Variants in GRK3 observed in about 807,000 individuals in gnomAD.
The protein encoded by GRK3 is adrenergic, beta, receptor kinase 2.
A neutral mutation model predicts 95.7 loss-of-function variants in GRK3; 54 were observed. That is an observed-to-expected ratio of 0.56 (90% CI 0.45 to 0.71). The LOEUF (loss-of-function observed/expected upper bound fraction) is 0.71, where lower values mean the gene tolerates loss of function less well. Among genes scored for constraint, GRK3 ranks in the 30% least tolerant of loss-of-function variants. The pLI is 0.00. For synonymous variants in GRK3, 281 were observed against 290.8 expected (o/e 0.97, Z 0.34); for missense variants, 649 against 851.2 (o/e 0.76, Z 2.96).
intron 19 of GRK3, among the ~76,000 whole-genome samples, chr22:25,719,314 TAGG>T (rs2085412524): frequency 6.6e-6 from 1 of 152,048 alleles, no homozygotes; most frequent in Non-Finnish European, 1.5e-5. Context: ...ACTGGACAGT[TAGG>T]AGGTGGAAGG....
chr22:25,671,071 A>G (rs1005023574), intron 6 of GRK3, among the ~76,000 whole-genome samples: 3 of 145,028 alleles, frequency 2.1e-5, no homozygotes, highest in African/African-American at 7.7e-5. Flanking sequence ...AACAAAAAAC[A>G]GGCCAGGCGT....
At chr22:25,671,534 T>C (rs1294179133) in intron 6 of GRK3, among the ~76,000 whole-genome samples, 1 of 152,224 alleles carries the variant, frequency 6.6e-6, no homozygotes, top group Non-Finnish European at 1.5e-5. Context: ...CTTAGGATTC[T>C]AGTCTGAGGG....
chr22:25,705,740 A>G (rs1601540554), intron 15 of GRK3, among the ~76,000 whole-genome samples: 1 of 152,284 alleles, frequency 6.6e-6, no homozygotes, highest in South Asian at 2.1e-4. Flanking sequence ...GATTGGCATC[A>G]TCTCACCCAA....
At chr22:25,693,747 T>C (rs368793512) in intron 12 of GRK3, among the ~76,000 whole-genome samples, 58 of 152,142 alleles carry the variant, frequency 3.8e-4, no homozygotes, top group African/African-American at 1.4e-3. Flanking sequence ...ATTCTCACTG[T>C]TGCTGAGCAT....
Position 25,722,357 on chromosome 22 carries a change from G to T in GRK3, c.1974G>T (p.Leu658Phe). Residue 658 changes from leucine to phenylalanine, a missense_variant, in exon 21 of 21, where the codon TTG becomes TTT. Coordinates refer to ENST00000324198, the MANE Select transcript of GRK3 (RefSeq NM_005160.4). Reference protein sequence around the residue: ...NETFKEAQRLLRRAPKFLNKP... With the variant: ...NETFKEAQRLFRRAPKFLNKP... The stretch of plus-strand genomic sequence containing the variant: ...CCTTCAAGGAGGCCCAGCGGCTATT[G>T]CGTCGTGCCCCGAAGTTCCTCAACA... 1 of 1,614,202 alleles carries T rather than the reference G, an allele frequency of 6.2e-7. No homozygotes were observed. The highest frequency in any genetic ancestry group is 8.5e-7 in the Non-Finnish European group (1 of 1,180,040).
chr22:25,718,323 G>T lies in GRK3; in HGVS notation c.1733G>T (p.Arg578Leu). ...LGNPFLTQWQ[R>L]RYFYLFPNRL... The stretch of plus-strand genomic sequence containing the variant: ...AACCCATTTCTGACTCAGTGGCAGC[G>T]TCGCTATTTTTACCTCTTTCCAAAT... Residue 578 changes from arginine to leucine, a missense_variant, in exon 19 of 21, where the codon CGT becomes CTT. By Grantham distance (102) the Arg-to-Leu change is moderately radical (BLOSUM62 -2). This residue lies in a region of GRK3 where 382 missense variants were observed against 493.8 expected (regional missense o/e 0.77). Transcript: ENST00000324198. 6.2e-7 allele frequency: 1 copy of T among 1,614,100 alleles called. No individual in the cohort carries two copies. Among genetic ancestry groups the T allele is most frequent in the Non-Finnish European group, 8.5e-7 (1 of 1,179,990 alleles).
intron 15 of GRK3, among the ~76,000 whole-genome samples, chr22:25,706,442 C>T (rs1290388747): frequency 2.0e-5 from 3 of 152,228 alleles, no homozygotes; most frequent in Non-Finnish European, 4.4e-5. Context: ...TGCTGTCAGT[C>T]ACTGCCCCTG....
rs372213901 is a variant in GRK3 at position 25,679,478 on chromosome 22, A to G, written c.747+563A>G. 3.9e-5 allele frequency among the ~76,000 whole-genome samples: 6 copies of G among 152,282 alleles called. No individual in the cohort carries two copies. The East Asian group carries it at 1.2e-3, about 29-fold the overall frequency. On this transcript the variant is annotated intron_variant, in intron 9 of 20. Coordinates refer to ENST00000324198, the MANE Select transcript of GRK3 (RefSeq NM_005160.4). The stretch of plus-strand genomic sequence containing the variant: ...GGACACTTTCTTTGTATATTAAGCT[A>G]TCATTTTTAGCTCAACATGTGTGAC...
intron 10 of GRK3, among the ~76,000 whole-genome samples, chr22:25,685,885 T>TA (rs2085109405): frequency 6.6e-6 from 1 of 151,658 alleles, no homozygotes; most frequent in South Asian, 2.1e-4. Flanking sequence ...TTTTTTTTTT[T>TA]AAGTTCACTT....
intron 6 of GRK3, among the ~76,000 whole-genome samples, chr22:25,670,340 A>C (rs1302624295): frequency 6.6e-6 from 1 of 152,062 alleles, no homozygotes; most frequent in East Asian, 1.9e-4. Flanking sequence ...CAAAAATAAA[A>C]ATTAAAAACT....
In GRK3 at chr22:25,725,512, G is replaced by A. The variant is rs1047562622; in HGVS notation, c.*3062G>A. On this transcript the variant is annotated 3_prime_UTR_variant, in exon 21 of 21. Coordinates refer to ENST00000324198, the MANE Select transcript of GRK3 (RefSeq NM_005160.4). ...CCCCTCATGTCATGGGGGCTCATTG[G>A]TTTTCCTTCTTTGTCATATTTAAGT... is the stretch of plus-strand genomic sequence containing the variant. The A allele has an allele frequency of 3.0e-5, 12 of 398,338 alleles. No individual in the cohort carries two copies. The highest frequency in any genetic ancestry group is 8.8e-5 in the Admixed American group (2 of 22,698). The allele number at this position is 398,338 out of a possible 1,614,324, so 24.7% of individuals were successfully genotyped here. A position where few individuals can be genotyped will look rare whatever the true frequency, so the allele number is the denominator to read the frequency against.
intron 15 of GRK3, among the ~76,000 whole-genome samples, chr22:25,708,754 C>G (rs775159427): frequency 1.3e-5 from 2 of 151,850 alleles, no homozygotes; most frequent in Non-Finnish European, 2.9e-5. Context: ...CTCCACCTCC[C>G]GGGTTCAAGC....
In GRK3 at chr22:25,678,836, A is replaced by G. The variant is rs957083772; in HGVS notation, c.668A>G (p.Asp223Gly). The G allele has an allele frequency of 1.2e-6, 2 of 1,603,272 alleles. No individual in the cohort carries two copies. Among genetic ancestry groups the G allele is most frequent in the African/African-American group, 1.3e-5 (1 of 74,586 alleles). ...TCTAGGTATGCAATGAAATGCTTAG[A>G]TAAGAAGAGGATCAAAATGAAACAA... Reference protein sequence around the residue: ...TGKMYAMKCLDKKRIKMKQGE... With the variant: ...TGKMYAMKCLGKKRIKMKQGE... The change falls in exon 9 of 21, where the codon GAT becomes GGT. Residue 223 changes from aspartate to glycine, a missense_variant. Around this residue, in one of 3 missense-constraint regions of GRK3, gnomAD observed 61 missense variants for 126.0 expected, o/e 0.48. Coordinates refer to ENST00000324198, the MANE Select transcript of GRK3 (RefSeq NM_005160.4).
rs2085495437 is a variant in GRK3 at position 25,728,964 on chromosome 22, T to G, written c.*6514T>G. On this transcript the variant is annotated 3_prime_UTR_variant, in exon 21 of 21. Coordinates refer to ENST00000324198, the MANE Select transcript of GRK3 (RefSeq NM_005160.4). ...TACCCTTGAAGAAAGAAATCCGTTT[T>G]CTATTGTGCATTGCTATACGAAGTG... The G allele has an allele frequency of 6.6e-6, 1 of 152,216 alleles. No homozygotes were observed. Among genetic ancestry groups the G allele is most frequent in the African/African-American group, 2.4e-5 (1 of 41,454 alleles). 9.4% of individuals were successfully genotyped at this position (152,216 alleles called of 1,614,324 possible). A position where few individuals can be genotyped will look rare whatever the true frequency, so the allele number is the denominator to read the frequency against.
intron 13 of GRK3, among the ~76,000 whole-genome samples, chr22:25,699,694 C>CTTTT (rs1157678995): frequency 2.2e-5 from 3 of 139,164 alleles, no homozygotes; most frequent in African/African-American, 8.1e-5. Flanking sequence ...CTTTTCTTTT[C>CTTTT]TTTTCTTTTT....
Position 25,632,244 on chromosome 22 carries a change from G to A in GRK3, c.191-12348G>A, listed in dbSNP as rs149446884. Among the ~76,000 whole-genome samples the A allele has an allele frequency of 1.8e-3, 271 of 152,246 alleles. No homozygotes were observed. The Middle Eastern group carries it at 0.037, about 21-fold the overall frequency. ...TTTTTTGCTTTTGTTATTCTAGTAA[G>A]TATATAGGATTATCTTATTGTGATT... On this transcript the variant is annotated intron_variant, in intron 2 of 20. Transcript: ENST00000324198.
At chr22:25,589,781 A>C (rs1223976892) in intron 1 of GRK3, among the ~76,000 whole-genome samples, 1 of 152,202 alleles carries the variant, frequency 6.6e-6, no homozygotes, top group Admixed American at 6.5e-5. Flanking sequence ...TTTATAAAGG[A>C]AAGAGGTTTG....
At chr22:25,675,469 T>A (rs1255316768) in intron 8 of GRK3, among the ~76,000 whole-genome samples, 1 of 152,122 alleles carries the variant, frequency 6.6e-6, no homozygotes, top group Non-Finnish European at 1.5e-5. Context: ...TTTTTTTTTT[T>A]AACAGAAGTG....
intron 10 of GRK3, 83 bp from the exon 11 acceptor site, chr22:25,687,454 G>T: frequency 6.9e-7 from 1 of 1,455,452 alleles, no homozygotes; most frequent in Admixed American, 2.0e-5. Flanking sequence ...TTTTTCTGCT[G>T]AGTCCTGACT....
Sources: gnomAD v4.1 joint callset for allele counts (sites outside exome capture counted in the v4.1 genomes callset) on GRCh38, gnomAD v4.1.1 for gene constraint, gnomAD v4.1.1 regional missense constraint, MANE v1.5 for transcripts, NCBI Gene and HGNC (gene_info 2026-07-23, HGNC 2026-07-21) for gene names.